SEMA3D: variants seen among roughly 807,000 people sequenced by gnomAD.
SEMA3D encodes the protein semaphorin-3D.
SEMA3D carries 84 observed loss-of-function variants against 100.1 expected under a neutral mutation model. That is an observed-to-expected ratio of 0.84 (90% CI 0.70 to 1.01). The LOEUF (loss-of-function observed/expected upper bound fraction) is 1.01. Ranked by LOEUF, SEMA3D falls within the 50% of genes least tolerant of loss-of-function variation. The pLI, the probability that SEMA3D is intolerant of heterozygous loss-of-function variation, is 0.00. For missense variants in SEMA3D, 875 were observed against 934.1 expected, an observed-to-expected ratio of 0.94 and a Z score of 0.82; for synonymous variants, 312 against 320.7, an observed-to-expected ratio of 0.97 and a Z score of 0.29.
chr7:85,205,410 T>G, the SEMA3D span, among the ~76,000 whole-genome samples: 1 of 152,202 alleles, frequency 6.6e-6, no homozygotes. Flanking sequence ...CAAACATCAT[T>G]CTACCACATA....
chr7:85,110,261 T>A (rs1170023391), intron 3 of SEMA3D, among the ~76,000 whole-genome samples: 1 of 152,004 alleles, frequency 6.6e-6, no homozygotes, highest in Non-Finnish European at 1.5e-5. Flanking sequence ...TATACAATGT[T>A]AAATGGATTG....
intron 3 of SEMA3D, among the ~76,000 whole-genome samples, chr7:85,103,590 G>A (rs1788815534): frequency 1.3e-5 from 2 of 151,904 alleles, no homozygotes; most frequent in African/African-American, 4.8e-5. Flanking sequence ...TGACTCCTTT[G>A]TTTTATCTCC....
In SEMA3D at chr7:85,072,945, C is replaced by A; in HGVS notation, c.495+17G>T. On this transcript the variant is annotated intron_variant, in intron 6 of 18. Transcript: ENST00000284136. ...ATTACAATAAATTATGCTTTTCATG[C>A]TTTTTCATTATATTACCTCCTTGTA... 3 of 1,578,220 alleles carry A rather than the reference C, an allele frequency of 1.9e-6. No homozygotes were observed. Among genetic ancestry groups the A allele is most frequent in the Non-Finnish European group, 2.6e-6 (3 of 1,162,502 alleles).
intron 3 of SEMA3D, among the ~76,000 whole-genome samples, chr7:85,112,308 C>T (rs1184119053): frequency 6.6e-6 from 1 of 152,088 alleles, no homozygotes; most frequent in Non-Finnish European, 1.5e-5. Flanking sequence ...AAGAACCATT[C>T]TATCAGATAC....
chr7:85,130,019 G>A (rs1403667300), intron 2 of SEMA3D, among the ~76,000 whole-genome samples: 2 of 151,874 alleles, frequency 1.3e-5, no homozygotes, highest in Non-Finnish European at 1.5e-5. Context: ...AACACTATTT[G>A]TTTCTTTCTT....
chr7:85,009,595 A>C (rs906346694), intron 17 of SEMA3D, among the ~76,000 whole-genome samples: 2 of 151,606 alleles, frequency 1.3e-5, no homozygotes, highest in African/African-American at 4.8e-5. Context: ...TAAAAAAAAA[A>C]ACAACTTTTC....
chr7:85,192,892 T>C, the SEMA3D span, among the ~76,000 whole-genome samples: 1 of 152,132 alleles, frequency 6.6e-6, no homozygotes, highest in African/African-American at 2.4e-5. Context: ...AAAAAGAAAG[T>C]CTACATTAGG....
At chr7:85,223,532 A>T in the SEMA3D span, among the ~76,000 whole-genome samples, 1 of 151,508 alleles carries the variant, frequency 6.6e-6, no homozygotes, top group Non-Finnish European at 1.5e-5. Context: ...TATATATATC[A>T]TATATTTGTG....
At chr7:85,037,087 T>C (rs538725344) in intron 11 of SEMA3D, 54 bp from the exon 12 acceptor site, 9 of 1,566,836 alleles carry the variant, frequency 5.7e-6, no homozygotes, top group Admixed American at 1.7e-5. Context: ...TCAATAAACA[T>C]TGACTGAGCA....
chr7:85,112,592 C>A (rs1789123655), intron 3 of SEMA3D, among the ~76,000 whole-genome samples: 1 of 152,144 alleles, frequency 6.6e-6, no homozygotes. Context: ...AATAAAAGCA[C>A]ACAGCTTGGT....
At chr7:85,086,142 G>C (rs533362691) in intron 4 of SEMA3D, among the ~76,000 whole-genome samples, 1 of 152,200 alleles carries the variant, frequency 6.6e-6, no homozygotes, top group Non-Finnish European at 1.5e-5. Context: ...ATGCTGCCAA[G>C]GTTTAGTCAT....
At chr7:85,123,481 C>T (rs1189368476) in intron 2 of SEMA3D, among the ~76,000 whole-genome samples, 1 of 152,106 alleles carries the variant, frequency 6.6e-6, no homozygotes, top group African/African-American at 2.4e-5. Flanking sequence ...TAAGTGAGAT[C>T]AGCTCTTCAG....
chr7:85,115,613 C>T (rs1038222195), intron 3 of SEMA3D, among the ~76,000 whole-genome samples: 8 of 151,636 alleles, frequency 5.3e-5, no homozygotes, highest in African/African-American at 7.3e-5. Context: ...TATTCTTTTT[C>T]TTTTTAAGGC....
chr7:85,101,820 T>C lies in SEMA3D; in HGVS notation c.152-3855A>G, dbSNP rs1788754149. Reference sequence around the variant, plus strand: ...ATAGGAAAAGTCAATAAATATTGTTTTGAGTATGATTATTAAACTCTACTT... The same window carrying C: ...ATAGGAAAAGTCAATAAATATTGTTCTGAGTATGATTATTAAACTCTACTT... On this transcript the variant is annotated intron_variant, in intron 3 of 18. Transcript: ENST00000284136. 2.0e-5 allele frequency among the ~76,000 whole-genome samples: 3 copies of C among 152,024 alleles called. No homozygotes were observed. In the South Asian group the frequency reaches 6.2e-4, roughly 31 times the overall value.
intron 5 of SEMA3D, among the ~76,000 whole-genome samples, chr7:85,080,069 A>G (rs1311810980): frequency 6.6e-6 from 1 of 152,190 alleles, no homozygotes; most frequent in African/African-American, 2.4e-5. Context: ...TCCCTGATAT[A>G]TTTCCGCTAA....
the SEMA3D span, among the ~76,000 whole-genome samples, chr7:85,229,616 A>G: frequency 1.3e-5 from 2 of 152,102 alleles, no homozygotes; most frequent in Non-Finnish European, 2.9e-5. Flanking sequence ...GAAAAACCAA[A>G]GAAAATGAAT....
intron 9 of SEMA3D, among the ~76,000 whole-genome samples, chr7:85,046,236 A>G: frequency 6.6e-6 from 1 of 152,094 alleles, no homozygotes; most frequent in East Asian, 1.9e-4. Flanking sequence ...ACTATGTAAA[A>G]GTGATAATAA....
At chr7:85,228,350 G>A in the SEMA3D span, among the ~76,000 whole-genome samples, 2 of 152,036 alleles carry the variant, frequency 1.3e-5, no homozygotes, top group Non-Finnish European at 2.9e-5. Context: ...CCAATTTTCC[G>A]AATGGTAATT....
In SEMA3D at chr7:85,097,951, T is replaced by C; in HGVS notation, c.166A>G (p.Asn56Asp). Reference protein sequence around the residue: ...KLTYKDLLLSNSCIPFLGSSE... With the variant: ...KLTYKDLLLSDSCIPFLGSSE... ...GAACCCAAAAAGGGAATACAGCTAT[T>C]TGAAAGCAGCAAGTCTATGGAAAGC... Residue 56 changes from asparagine to aspartate, a missense_variant, in exon 4 of 19, where the codon AAT becomes GAT. Transcript: ENST00000284136. 1.3e-6 allele frequency: 2 copies of C among 1,567,166 alleles called. No homozygotes were observed. The highest frequency in any genetic ancestry group is 8.7e-7 in the Non-Finnish European group (1 of 1,154,328).
Sources: allele counts gnomAD v4.1 joint callset (sites outside exome capture counted in the v4.1 genomes callset), GRCh38; gene constraint gnomAD v4.1.1; transcripts MANE v1.5; gene names NCBI Gene and HGNC (gene_info 2026-07-23, HGNC 2026-07-21).